Variants in TMEM200A observed in about 807,000 individuals in gnomAD.
The protein encoded by TMEM200A is transmembrane protein 200A.
A neutral mutation model predicts 24.3 loss-of-function variants in TMEM200A; 12 were observed. The ratio of observed to expected loss-of-function variants is 0.49; its 90% confidence interval spans 0.32 to 0.80. The LOEUF (loss-of-function observed/expected upper bound fraction) is 0.80, where lower values mean the gene tolerates loss of function less well. Ranked by LOEUF, TMEM200A falls within the 30% of genes least tolerant of loss-of-function variation. TMEM200A has a pLI of 0.04. For synonymous variants in TMEM200A, 224 were observed against 224.4 expected, an observed-to-expected ratio of 1.00 and a Z score of 0.02; for missense variants, 545 against 614.4, an observed-to-expected ratio of 0.89 and a Z score of 1.19.
chr6:130,429,875 T>A (rs1779834264), intron 2 of TMEM200A, among the ~76,000 whole-genome samples: 1 of 151,708 alleles, frequency 6.6e-6, no homozygotes, highest in Non-Finnish European at 1.5e-5. Flanking sequence ...CCTCAATACG[T>A]AAAAAAAACG....
At position 130,366,267 on chromosome 6, in the gene TMEM200A, C is replaced by T; in HGVS notation, c.-338C>T. On this transcript the variant is annotated 5_prime_UTR_variant, in exon 1 of 3. Coordinates refer to ENST00000296978, the MANE Select transcript of TMEM200A (RefSeq NM_001258277.2). The surrounding 1 kb of genome is among the most constrained non-coding windows in gnomAD (Gnocchi z 4.4). ...CCCCGGCGCGGGCATAGGGGCGCCCCCACCCTCCGTCCGCTTGCACCCCTT... is the reference window on the plus strand; with the variant it reads ...CCCCGGCGCGGGCATAGGGGCGCCCTCACCCTCCGTCCGCTTGCACCCCTT... 2 of 985,386 alleles carry T rather than the reference C, an allele frequency of 2.0e-6. No homozygotes were observed. The highest frequency in any genetic ancestry group is 3.5e-5 in the African/African-American group (2 of 57,356). 61.0% of individuals were successfully genotyped at this position (985,386 alleles called of 1,614,324 possible).
At chr6:130,387,951 A>G (rs1778747508) in intron 2 of TMEM200A, among the ~76,000 whole-genome samples, 1 of 152,184 alleles carries the variant, frequency 6.6e-6, no homozygotes, top group South Asian at 2.1e-4. Flanking sequence ...TAAGTCTTAG[A>G]GAATTGATTT....
intron 2 of TMEM200A, among the ~76,000 whole-genome samples, chr6:130,432,692 T>C (rs1217508558): frequency 2.0e-5 from 3 of 152,218 alleles, no homozygotes; most frequent in Non-Finnish European, 4.4e-5. Context: ...AACACAAAAG[T>C]AAGCATTATA....
At chr6:130,430,344 C>T (rs1779846577) in intron 2 of TMEM200A, among the ~76,000 whole-genome samples, 1 of 152,012 alleles carries the variant, frequency 6.6e-6, no homozygotes, top group Non-Finnish European at 1.5e-5. Flanking sequence ...ACCTTGGGGG[C>T]TAGGATTTCA....
In TMEM200A at chr6:130,442,953, G is replaced by C. The variant is rs1780234030; in HGVS notation, c.*1055G>C. On this transcript the variant is annotated 3_prime_UTR_variant, in exon 3 of 3. Coordinates refer to ENST00000296978, the MANE Select transcript of TMEM200A (RefSeq NM_001258277.2). The stretch of plus-strand genomic sequence containing the variant: ...TTGCCTTGAAGTTTACCTTGTGCTG[G>C]AGAGCCTTATGATAACTCCAAAGAC... The C allele has an allele frequency of 6.0e-6, 1 of 166,884 alleles. No homozygotes were observed. Among genetic ancestry groups the C allele is most frequent in the Non-Finnish European group, 1.5e-5 (1 of 68,074 alleles). 10.3% of individuals were successfully genotyped at this position (166,884 alleles called of 1,614,324 possible).
intron 2 of TMEM200A, among the ~76,000 whole-genome samples, chr6:130,416,938 A>G (rs1779470280): frequency 1.3e-5 from 2 of 152,132 alleles, no homozygotes; most frequent in African/African-American, 4.8e-5. Context: ...GACTTGGCAC[A>G]TGCTAGTCTT....
rs538675726 is a variant in TMEM200A at position 130,421,575 on chromosome 6, G to A, written c.-16-18832G>A. 2.1e-4 allele frequency among the ~76,000 whole-genome samples: 32 copies of A among 150,924 alleles called. No homozygotes were observed. The South Asian group carries it at 6.7e-3, about 32-fold the overall frequency. ...TAAGAACACTTAAGATCTACTCTTA[G>A]CAAATTTTAAATATGTAACATAGTA... is the stretch of plus-strand genomic sequence containing the variant. On this transcript the variant is annotated intron_variant, in intron 2 of 2. Coordinates refer to ENST00000296978, the MANE Select transcript of TMEM200A (RefSeq NM_001258277.2).
At chr6:130,436,500 A>G in intron 2 of TMEM200A, among the ~76,000 whole-genome samples, 1 of 150,362 alleles carries the variant, frequency 6.7e-6, no homozygotes, top group South Asian at 2.1e-4. Context: ...AAAAAAAAAA[A>G]GGTAGATTTA....
intron 2 of TMEM200A, among the ~76,000 whole-genome samples, chr6:130,433,901 C>T (rs747774346): frequency 8.5e-5 from 13 of 152,228 alleles, no homozygotes; most frequent in Non-Finnish European, 1.6e-4. Flanking sequence ...AATCTATCTG[C>T]ATGGCATACC....
chr6:130,407,704 G>A (rs1779237594), intron 2 of TMEM200A, among the ~76,000 whole-genome samples: 1 of 152,132 alleles, frequency 6.6e-6, no homozygotes, highest in South Asian at 2.1e-4. Context: ...TAATGTGAAG[G>A]GGAAAAAACT....
At chr6:130,393,424 A>G (rs1024849970) in intron 2 of TMEM200A, among the ~76,000 whole-genome samples, 5 of 152,202 alleles carry the variant, frequency 3.3e-5, no homozygotes, top group Non-Finnish European at 5.9e-5. Flanking sequence ...TTGTCACATC[A>G]TTGCCTGTGG....
At position 130,372,497 on chromosome 6, in the gene TMEM200A, G is replaced by A. The variant is rs555052452; in HGVS notation, c.-81+5973G>A. 1.1e-4 allele frequency among the ~76,000 whole-genome samples: 16 copies of A among 152,246 alleles called. No individual in the cohort carries two copies. In the South Asian group the frequency reaches 2.7e-3, roughly 26 times the overall value. Reference sequence around the variant, plus strand: ...GGACCTCTGCCAGCTGCCATGGCCTGAATTTACCTTTATACATACAGATAC... The same window carrying A: ...GGACCTCTGCCAGCTGCCATGGCCTAAATTTACCTTTATACATACAGATAC... On this transcript the variant is annotated intron_variant, in intron 1 of 2. Coordinates refer to ENST00000296978, the MANE Select transcript of TMEM200A (RefSeq NM_001258277.2).
intron 1 of TMEM200A, among the ~76,000 whole-genome samples, chr6:130,367,128 T>C (rs957888833): frequency 1.3e-5 from 2 of 152,312 alleles, no homozygotes; most frequent in Admixed American, 6.5e-5. Context: ...TAGAAAAATG[T>C]GTGTGTGTTT....
intron 1 of TMEM200A, among the ~76,000 whole-genome samples, chr6:130,377,807 A>G (rs904137405): frequency 1.3e-5 from 2 of 152,226 alleles, no homozygotes; most frequent in Non-Finnish European, 2.9e-5. Flanking sequence ...GGGAAGACAG[A>G]CAATACATGT....
At chr6:130,413,847 C>T (rs1349223671) in intron 2 of TMEM200A, among the ~76,000 whole-genome samples, 1 of 152,166 alleles carries the variant, frequency 6.6e-6, no homozygotes, top group African/African-American at 2.4e-5. Context: ...CAGAACATAT[C>T]AAACTTTTTG....
At chr6:130,398,674 A>G (rs1298175866) in intron 2 of TMEM200A, among the ~76,000 whole-genome samples, 1 of 152,154 alleles carries the variant, frequency 6.6e-6, no homozygotes, top group African/African-American at 2.4e-5. Flanking sequence ...AGTAATGGCC[A>G]TTCTGACTGG....
chr6:130,416,323 CTCTG>C (rs890260461), intron 2 of TMEM200A, among the ~76,000 whole-genome samples: 6 of 126,044 alleles, frequency 4.8e-5, no homozygotes, highest in African/African-American at 1.7e-4. Flanking sequence ...ATTTCTCTCT[CTCTG>C]TCTCTCTCTC....
At chr6:130,396,216 C>T (rs1317626394) in intron 2 of TMEM200A, among the ~76,000 whole-genome samples, 1 of 152,002 alleles carries the variant, frequency 6.6e-6, no homozygotes, top group Non-Finnish European at 1.5e-5. Flanking sequence ...GTAATGGGTG[C>T]TCTGAAAATG....
intron 2 of TMEM200A, among the ~76,000 whole-genome samples, chr6:130,435,793 TA>T (rs1352330650): frequency 6.6e-6 from 1 of 152,150 alleles, no homozygotes; most frequent in Non-Finnish European, 1.5e-5. Context: ...TTTGAGGGAA[TA>T]AGTCACGGCC....
Sources: allele counts gnomAD v4.1 joint callset (sites outside exome capture counted in the v4.1 genomes callset), GRCh38; gene constraint gnomAD v4.1.1; non-coding constraint Gnocchi (gnomAD v3.1); transcripts MANE v1.5; gene names NCBI Gene and HGNC (gene_info 2026-07-23, HGNC 2026-07-21).